The following METTL24 variants were observed in gnomAD, a reference collection of about 807,000 sequenced individuals.
METTL24 encodes the protein probable methyltransferase-like protein 24.
A neutral mutation model predicts 32.7 loss-of-function variants in METTL24; 29 were observed. The observed-to-expected ratio is 0.89, with a 90% CI of 0.66 to 1.21. The LOEUF (loss-of-function observed/expected upper bound fraction) is 1.21, where lower values mean the gene tolerates loss of function less well. Ranked by LOEUF, METTL24 falls within the 50% of genes most tolerant of loss-of-function variation. METTL24 has a pLI of 0.00. For missense variants in METTL24, 439 were observed against 468.1 expected, an observed-to-expected ratio of 0.94 and a Z score of 0.57; for synonymous variants, 163 against 179.5, an observed-to-expected ratio of 0.91 and a Z score of 0.73.
intron 4 of METTL24, among the ~76,000 whole-genome samples, chr6:110,278,675 T>G (rs117452795): frequency 0.011 from 1,604 of 152,206 alleles, 13 homozygotes; most frequent in Middle Eastern, 0.017. Flanking sequence ...CCAGATCAAT[T>G]ATAAGGGAGT....
intron 2 of METTL24, among the ~76,000 whole-genome samples, chr6:110,321,841 C>T (rs554203526): frequency 5.9e-5 from 9 of 152,184 alleles, no homozygotes; most frequent in East Asian, 3.9e-4. Flanking sequence ...TTCTCTCCTA[C>T]GGAGGAAAAG....
At chr6:110,334,895 T>C (rs1772182829) in intron 1 of METTL24, among the ~76,000 whole-genome samples, 1 of 152,232 alleles carries the variant, frequency 6.6e-6, no homozygotes, top group South Asian at 2.1e-4. Flanking sequence ...ACGCTCTGGT[T>C]CCAGGACATT....
At chr6:110,356,887 C>T (rs745499980) in intron 1 of METTL24, among the ~76,000 whole-genome samples, 3 of 152,164 alleles carry the variant, frequency 2.0e-5, no homozygotes, top group Non-Finnish European at 2.9e-5. Flanking sequence ...GAGGGCGAGG[C>T]CCGAAGGAAG....
chr6:110,287,654 G>A (rs1328876244), intron 4 of METTL24, among the ~76,000 whole-genome samples: 2 of 152,170 alleles, frequency 1.3e-5, no homozygotes, highest in African/African-American at 4.8e-5. Context: ...CAAGGCTGCT[G>A]CTGGTTAACT....
chr6:110,264,257 A>G (rs1309181532), intron 4 of METTL24, among the ~76,000 whole-genome samples: 2 of 152,222 alleles, frequency 1.3e-5, no homozygotes, highest in African/African-American at 4.8e-5. Flanking sequence ...TCTACAAAGA[A>G]CTGAAATAAA....
intron 3 of METTL24, among the ~76,000 whole-genome samples, chr6:110,309,990 G>A (rs1771692339): frequency 3.3e-5 from 5 of 152,164 alleles, no homozygotes; most frequent in Non-Finnish European, 7.3e-5. Context: ...AAATTTTCAT[G>A]AAAAGGGTAA....
At chr6:110,315,787 G>A (rs190598882) in intron 2 of METTL24, among the ~76,000 whole-genome samples, 48 of 152,282 alleles carry the variant, frequency 3.2e-4, no homozygotes, top group Non-Finnish European at 6.3e-4. Flanking sequence ...TGGGAGGAGC[G>A]GCTGTGTCAG....
chr6:110,341,009 A>G (rs75414306), intron 1 of METTL24, among the ~76,000 whole-genome samples: 10 of 148,642 alleles, frequency 6.7e-5, no homozygotes, highest in African/African-American at 2.4e-4. Flanking sequence ...TTTTATTATT[A>G]AAACTTTTTT....
chr6:110,338,583 G>A (rs979912003), intron 1 of METTL24, among the ~76,000 whole-genome samples: 5 of 152,170 alleles, frequency 3.3e-5, no homozygotes, highest in Admixed American at 2.6e-4. Context: ...GTTAAAACCA[G>A]AGATGGCAAG....
At chr6:110,325,832 AAGAGG>A (rs960414258) in intron 1 of METTL24, among the ~76,000 whole-genome samples, 2 of 152,204 alleles carry the variant, frequency 1.3e-5, no homozygotes, top group African/African-American at 4.8e-5. Context: ...TCCACCCCAG[AAGAGG>A]AGAGGCCAGG....
intron 4 of METTL24, among the ~76,000 whole-genome samples, chr6:110,269,647 T>G (rs1339808226): frequency 1.3e-5 from 2 of 151,354 alleles, no homozygotes; most frequent in African/African-American, 4.9e-5. Context: ...AGTTTTTTTG[T>G]TTGTTTGTTT....
At chr6:110,351,959 T>G (rs1278452545) in intron 1 of METTL24, among the ~76,000 whole-genome samples, 2 of 152,258 alleles carry the variant, frequency 1.3e-5, no homozygotes, top group East Asian at 1.9e-4. Flanking sequence ...CTAAAAAAAT[T>G]TAATTGTTAA....
intron 1 of METTL24, among the ~76,000 whole-genome samples, chr6:110,327,774 T>C (rs1040692930): frequency 1.3e-5 from 2 of 152,352 alleles, no homozygotes; most frequent in African/African-American, 4.8e-5. Context: ...GCAGGTTAAA[T>C]AGAAAAGGAC....
chr6:110,349,236 G>A (rs1772545137), intron 1 of METTL24, among the ~76,000 whole-genome samples: 2 of 152,188 alleles, frequency 1.3e-5, no homozygotes, highest in Admixed American at 6.5e-5. Flanking sequence ...GCATTGGGTG[G>A]GACTGAGCAA....
chr6:110,328,600 T>C lies in METTL24; in HGVS notation c.319-5728A>G, dbSNP rs1387934328. 2.0e-5 allele frequency among the ~76,000 whole-genome samples: 3 copies of C among 152,180 alleles called. No homozygotes were observed. The East Asian group carries it at 5.8e-4, about 29-fold the overall frequency. On this transcript the variant is annotated intron_variant, in intron 1 of 4. Coordinates refer to ENST00000338882, the MANE Select transcript of METTL24 (RefSeq NM_001123364.3). ...CATTTGTGATCTCAGCATAAAGTTT[T>C]GTTTCTTGAAAAAAAGAAAGTGATT...
chr6:110,311,468 GTTTTTTTTT>G (rs1051868507), intron 3 of METTL24, among the ~76,000 whole-genome samples: 1 of 96,142 alleles, frequency 1.0e-5, no homozygotes, highest in Non-Finnish European at 2.0e-5. Flanking sequence ...TTCTTTCTTT[GTTTTTTTTT>G]TTTTTTTTTT....
At chr6:110,287,695 T>C (rs1191658412) in intron 4 of METTL24, among the ~76,000 whole-genome samples, 1 of 152,190 alleles carries the variant, frequency 6.6e-6, no homozygotes, top group African/African-American at 2.4e-5. Flanking sequence ...AGATAAGGTA[T>C]TCAAATTTTC....
At chr6:110,312,516 TAAAA>T (rs954977376) in intron 3 of METTL24, among the ~76,000 whole-genome samples, 2 of 152,038 alleles carry the variant, frequency 1.3e-5, no homozygotes, top group Non-Finnish European at 2.9e-5. Flanking sequence ...TATTTGGCCA[TAAAA>T]AAAGAATAAA....
rs112671618 is a variant in METTL24, at chr6:110,323,645, C to T, written c.319-773G>A. On this transcript the variant is annotated intron_variant, in intron 1 of 4. Transcript: ENST00000338882. ...AAAAGGGGGCACTAGTCAGGAAATC[C>T]TTATTAGAGCTCAAAACTCCCACCT... 1.2e-3 allele frequency among the ~76,000 whole-genome samples: 186 copies of T among 152,138 alleles called. 2 individuals are homozygous for T. The highest frequency in any genetic ancestry group is 4.3e-3 in the African/African-American group (179 of 41,482).
Sources: allele counts gnomAD v4.1 joint callset (sites outside exome capture counted in the v4.1 genomes callset), GRCh38; gene constraint gnomAD v4.1.1; transcripts MANE v1.5; gene names NCBI Gene and HGNC (gene_info 2026-07-23, HGNC 2026-07-21).